CRYZL1: variants seen among roughly 807,000 people sequenced by gnomAD.
CRYZL1 encodes the protein crystallin zeta like 1, also known as ferry endosomal RAB5 effector complex subunit 4.
Under a neutral mutation model 50.6 loss-of-function variants are expected in CRYZL1, and 34 were observed. The observed-to-expected ratio is 0.67, with a 90% CI of 0.51 to 0.89. The LOEUF is 0.89. Among genes scored for constraint, CRYZL1 ranks in the 40% least tolerant of loss-of-function variants. The probability of loss-of-function intolerance (pLI) is 0.00; values close to 1 mark genes in which losing one functional copy is unlikely to be tolerated. For synonymous variants in CRYZL1, 125 were observed against 134.3 expected (o/e 0.93, Z 0.48); for missense variants, 354 against 402.3 (o/e 0.88, Z 1.03).
intron 1 of CRYZL1, among the ~76,000 whole-genome samples, chr21:33,639,554 A>G (rs914525468): frequency 5.3e-5 from 8 of 152,174 alleles, no homozygotes; most frequent in African/African-American, 1.9e-4. Context: ...ACTCTACCAC[A>G]CAACAGTTAC....
chr21:33,605,332 A>G lies in CRYZL1; in HGVS notation c.332-1795T>C, dbSNP rs556558639. Among the ~76,000 whole-genome samples, 4 of 152,068 alleles carry G rather than the reference A, an allele frequency of 2.6e-5. No homozygotes were observed. The South Asian group carries it at 8.3e-4, about 32-fold the overall frequency. Reference sequence around the variant, plus strand: ...ATCAGAATGATATTTTAAAAAGATAACTGACATCCTAACAATTCCCTGCTT... The same window carrying G: ...ATCAGAATGATATTTTAAAAAGATAGCTGACATCCTAACAATTCCCTGCTT... On this transcript the variant is annotated intron_variant, in intron 6 of 12. Transcript: ENST00000381554.
At chr21:33,596,430 A>C (rs2086693543) in intron 10 of CRYZL1, among the ~76,000 whole-genome samples, 1 of 152,036 alleles carries the variant, frequency 6.6e-6, no homozygotes, top group African/African-American at 2.4e-5. Flanking sequence ...CTGAGGTCAG[A>C]AGTTCAAGAC....
At chr21:33,614,184 A>AG (rs978811235) in intron 5 of CRYZL1, among the ~76,000 whole-genome samples, 10 of 150,326 alleles carry the variant, frequency 6.7e-5, no homozygotes, top group Admixed American at 2.7e-4. Context: ...AAAAAAAAAA[A>AG]AAAAAAATTG....
At chr21:33,639,530 G>A (rs1405502435) in intron 1 of CRYZL1, among the ~76,000 whole-genome samples, 1 of 152,072 alleles carries the variant, frequency 6.6e-6, no homozygotes, top group African/African-American at 2.4e-5. Flanking sequence ...AACTAATTGA[G>A]GGATCCTCCC....
At position 33,602,103 on chromosome 21, in the gene CRYZL1, G is replaced by A. The variant is rs1011459949; in HGVS notation, c.577+131C>T. The A allele has an allele frequency of 6.8e-6, 4 of 592,084 alleles. No homozygotes were observed. In the Admixed American group the frequency reaches 8.7e-5, roughly 13 times the overall value. 36.7% of individuals were successfully genotyped at this position (592,084 alleles called of 1,614,324 possible). ...AATCCTCCCATCCTGGCTTCCCAAGGTGCTGAGGTTACAGTTGTGAGCCAC... is the reference window on the plus strand; with the variant it reads ...AATCCTCCCATCCTGGCTTCCCAAGATGCTGAGGTTACAGTTGTGAGCCAC... On this transcript the variant is annotated intron_variant, in intron 8 of 12. Transcript: ENST00000381554.
At chr21:33,592,922 T>C (rs1255508229) in intron 11 of CRYZL1, among the ~76,000 whole-genome samples, 1 of 151,862 alleles carries the variant, frequency 6.6e-6, no homozygotes, top group African/African-American at 2.4e-5. Flanking sequence ...CATGGTGGCA[T>C]GCGCCTATAG....
chr21:33,634,345 T>C (rs374171933), intron 1 of CRYZL1, among the ~76,000 whole-genome samples: 17 of 152,300 alleles, frequency 1.1e-4, no homozygotes, highest in Admixed American at 6.5e-4. Context: ...CTAGTTAGTA[T>C]GACTTTACAT....
chr21:33,617,463 G>A (rs1472986134), intron 4 of CRYZL1, among the ~76,000 whole-genome samples: 2 of 152,158 alleles, frequency 1.3e-5, no homozygotes, highest in Non-Finnish European at 2.9e-5. Flanking sequence ...AGGGAATTCT[G>A]AGAATGCAGC....
chr21:33,613,741 A>G (rs777439067), intron 5 of CRYZL1, 135 bp from the exon 6 acceptor site: 12 of 650,756 alleles, frequency 1.8e-5, no homozygotes, highest in Non-Finnish European at 2.7e-5. Context: ...ACAAGAAAAA[A>G]TTCAGAAATG....
intron 4 of CRYZL1, among the ~76,000 whole-genome samples, chr21:33,619,943 C>G (rs1291119587): frequency 6.6e-6 from 1 of 152,218 alleles, no homozygotes; most frequent in Non-Finnish European, 1.5e-5. Flanking sequence ...AAGCAACTTT[C>G]TTCCAAGCTT....
chr21:33,637,576 T>C (rs1040825988), intron 1 of CRYZL1, among the ~76,000 whole-genome samples: 8 of 151,862 alleles, frequency 5.3e-5, no homozygotes, highest in African/African-American at 1.9e-4. Flanking sequence ...TATTCCCCTA[T>C]GGTTAATTTA....
At chr21:33,612,508 C>G (rs1431324747) in intron 6 of CRYZL1, among the ~76,000 whole-genome samples, 1 of 152,206 alleles carries the variant, frequency 6.6e-6, no homozygotes, top group Non-Finnish European at 1.5e-5. Context: ...AGGCTGGTCT[C>G]AAACTCCTGA....
chr21:33,600,944 T>TTTTTG lies in CRYZL1; in HGVS notation c.577+1289_577+1290insCAAAA, dbSNP rs2086748342. On this transcript the variant is annotated intron_variant, in intron 8 of 12. Transcript: ENST00000381554. The stretch of plus-strand genomic sequence containing the variant: ...GCCCGGTCCATAAAGTTTTTTTTTT[T>TTTTTG]TTTTTTTTTGGGGGCGGACTGTCGC... Among the ~76,000 whole-genome samples the TTTTTG allele has an allele frequency of 2.6e-5, 3 of 114,778 alleles. 1 individual carries two copies. The South Asian group carries it at 9.3e-4, about 36-fold the overall frequency. The allele number at this position is 114,778 out of a possible 152,430, so 75.3% of individuals were successfully genotyped here. A position where few individuals can be genotyped will look rare whatever the true frequency, so the allele number is the denominator to read the frequency against.
rs376066249 is a variant in CRYZL1 at position 33,617,537 on chromosome 21, G to A, written c.218-787C>T. 7.2e-5 allele frequency among the ~76,000 whole-genome samples: 11 copies of A among 152,188 alleles called. No individual in the cohort carries two copies. In the East Asian group the frequency reaches 1.5e-3, roughly 21 times the overall value. On this transcript the variant is annotated intron_variant, in intron 4 of 12. Coordinates refer to ENST00000381554, the MANE Select transcript of CRYZL1 (RefSeq NM_145858.3). The stretch of plus-strand genomic sequence containing the variant: ...AAAGAAGGAAGGGCTTTATTTGGCC[G>A]GGAGCTTCGGCAAGACTCACGTCTC...
rs1428018397 is a variant in CRYZL1, at chr21:33,641,691, G to A, written c.-17C>T. The A allele has an allele frequency of 1.8e-5, 3 of 169,602 alleles. No individual in the cohort carries two copies. Among genetic ancestry groups the A allele is most frequent in the South Asian group, 1.2e-4 (1 of 8,606 alleles). The allele number at this position is 169,602 out of a possible 1,614,324, so 10.5% of individuals were successfully genotyped here. On this transcript the variant is annotated 5_prime_UTR_variant, in exon 1 of 13. Coordinates refer to ENST00000381554, the MANE Select transcript of CRYZL1 (RefSeq NM_145858.3). Reference sequence around the variant, plus strand: ...TTTCCCGGGGCTCACCTGCCTCTGAGCCGCCCCAACGGCCTGCACCTTCAC... The same window carrying A: ...TTTCCCGGGGCTCACCTGCCTCTGAACCGCCCCAACGGCCTGCACCTTCAC...
intron 2 of CRYZL1, 49 bp from the exon 3 acceptor site, chr21:33,624,809 G>T: frequency 1.3e-6 from 2 of 1,569,998 alleles, no homozygotes; most frequent in South Asian, 2.4e-5. Context: ...ACATTCCTAT[G>T]AGAATATGTC....
At chr21:33,602,661 T>C (rs1371430858) in intron 7 of CRYZL1, among the ~76,000 whole-genome samples, 1 of 152,146 alleles carries the variant, frequency 6.6e-6, no homozygotes, top group Non-Finnish European at 1.5e-5. Flanking sequence ...CTGGGCCTTG[T>C]CAATGCGATG....
chr21:33,621,748 C>T (rs898522261), intron 4 of CRYZL1, among the ~76,000 whole-genome samples: 2 of 152,104 alleles, frequency 1.3e-5, no homozygotes, highest in Admixed American at 6.6e-5. Context: ...GACTTAGCTA[C>T]TCAGGAAGCT....
At chr21:33,610,609 G>T (rs189230164) in intron 6 of CRYZL1, among the ~76,000 whole-genome samples, 2 of 152,050 alleles carry the variant, frequency 1.3e-5, no homozygotes, top group East Asian at 3.9e-4. Flanking sequence ...TGGTTTGCCG[G>T]TCTTAGCTTA....
Sources: allele counts gnomAD v4.1 joint callset (sites outside exome capture counted in the v4.1 genomes callset), GRCh38; gene constraint gnomAD v4.1.1; transcripts MANE v1.5; gene names NCBI Gene and HGNC (gene_info 2026-07-23, HGNC 2026-07-21).